Variants in LRRC8B observed in about 807,000 individuals in gnomAD.
LRRC8B encodes volume-regulated anion channel subunit LRRC8B.
A neutral mutation model predicts 58.8 loss-of-function variants in LRRC8B; 23 were observed. The observed-to-expected ratio is 0.39, with a 90% CI of 0.28 to 0.55. LRRC8B has a LOEUF of 0.55. LRRC8B is among the 20% of genes least tolerant of loss of function. LRRC8B has a pLI of 0.62. For missense variants in LRRC8B, 694 were observed against 936.0 expected, an observed-to-expected ratio of 0.74 and a Z score of 3.37; for synonymous variants, 359 against 374.1, an observed-to-expected ratio of 0.96 and a Z score of 0.47.
At chr1:89,537,156 A>G (rs1204896425) in intron 1 of LRRC8B, among the ~76,000 whole-genome samples, 1 of 152,222 alleles carries the variant, frequency 6.6e-6, no homozygotes, top group African/African-American at 2.4e-5. Context: ...AAGTAACACC[A>G]GGTCTGGTAG....
chr1:89,543,589 G>A (rs75001971), intron 1 of LRRC8B, among the ~76,000 whole-genome samples: 6,772 of 151,824 alleles, frequency 0.045, 165 homozygotes, highest in Middle Eastern at 0.065. Flanking sequence ...TCTGCCTCCC[G>A]GGTTCAAGTG....
At chr1:89,575,260 A>C (rs753645253) in intron 3 of LRRC8B, among the ~76,000 whole-genome samples, 1 of 152,164 alleles carries the variant, frequency 6.6e-6, no homozygotes, top group Non-Finnish European at 1.5e-5. Context: ...TGGCCAGTAG[A>C]TTTTGGTGGA....
chr1:89,583,034 C>G lies in LRRC8B; in HGVS notation c.384C>G (p.His128Gln), dbSNP rs1391472691. The G allele has an allele frequency of 1.9e-6, 3 of 1,614,108 alleles. No homozygotes were observed. The highest frequency in any genetic ancestry group is 2.5e-6 in the Non-Finnish European group (3 of 1,180,052). Residue 128 changes from histidine (H) to glutamine (Q), a missense_variant, in exon 5 of 6, where the codon CAC becomes CAG. His to Gln is a conservative substitution (Grantham distance 24). Transcript: ENST00000330947. The surrounding 1 kb of genome is among the most constrained non-coding windows in gnomAD (Gnocchi z 5.2). ...AKFFPYLVLL[H>Q]TLIFAACSNF... ...TTTTCCCCTATCTGGTGCTCTTGCA[C>G]ACGCTCATCTTTGCAGCCTGCAGCA...
At chr1:89,560,848 C>A (rs375084226) in intron 1 of LRRC8B, among the ~76,000 whole-genome samples, 2 of 151,990 alleles carry the variant, frequency 1.3e-5, no homozygotes, top group Non-Finnish European at 2.9e-5. Flanking sequence ...AATAAACATA[C>A]GTGTGCATGT....
At chr1:89,570,322 A>AT (rs1653367669) in intron 3 of LRRC8B, among the ~76,000 whole-genome samples, 1 of 152,122 alleles carries the variant, frequency 6.6e-6, no homozygotes, top group Admixed American at 6.5e-5. Context: ...GGTTGAACTA[A>AT]TTTACACTCT....
chr1:89,541,995 A>G (rs1651034117), intron 1 of LRRC8B, among the ~76,000 whole-genome samples: 1 of 152,158 alleles, frequency 6.6e-6, no homozygotes, highest in South Asian at 2.1e-4. Flanking sequence ...TAATTCACAG[A>G]TTAAAATTTT....
chr1:89,585,669 C>T (rs1348787572), intron 5 of LRRC8B, among the ~76,000 whole-genome samples: 8 of 151,960 alleles, frequency 5.3e-5, no homozygotes, highest in African/African-American at 1.9e-4. Context: ...ATTAGCTGCG[C>T]GTGGTGGCAC....
chr1:89,528,325 T>C (rs1206938424), intron 1 of LRRC8B, among the ~76,000 whole-genome samples: 1 of 152,220 alleles, frequency 6.6e-6, no homozygotes, highest in Non-Finnish European at 1.5e-5. Context: ...CATTCTTTAT[T>C]GTTGAGTAGC....
At chr1:89,549,945 A>G (rs1357058218) in intron 1 of LRRC8B, 2 of 152,114 alleles carry the variant, frequency 1.3e-5, no homozygotes, top group Non-Finnish European at 2.9e-5. Context: ...GCTGCCTACT[A>G]GACCTCACTA....
rs779873620 is a variant in LRRC8B at position 89,583,536 on chromosome 1, T to G, written c.886T>G (p.Phe296Val). 2 of 1,612,724 alleles carry G rather than the reference T, an allele frequency of 1.2e-6. No homozygotes were observed. Among genetic ancestry groups the G allele is most frequent in the Non-Finnish European group, 1.7e-6 (2 of 1,180,024 alleles). The change falls in exon 5 of 6, where the codon TTT (phenylalanine) becomes GTT (valine). Residue 296 changes from phenylalanine to valine, a missense_variant. Phe to Val is a conservative substitution (Grantham distance 50, BLOSUM62 -1). Around this residue, in one of 5 missense-constraint regions of LRRC8B, gnomAD observed 316 missense variants for 403.8 expected, o/e 0.78. Transcript: ENST00000330947. The surrounding 1 kb of genome is among the most constrained non-coding windows in gnomAD (Gnocchi z 5.2). ...CGACTGTTCAGTTGATGTGCAGGCT[T>G]TTACAGGATATAAGCGCTACCAGTG... ...EIDCSVDVQA[F>V]TGYKRYQCVY...
In LRRC8B at chr1:89,583,110, G is replaced by A. The variant is rs770822588; in HGVS notation, c.460G>A (p.Ala154Thr). Residue 154 changes from alanine (A) to threonine (T), a missense_variant, in exon 5 of 6, where the codon GCC (alanine) becomes ACC (threonine). Around this residue, in one of 5 missense-constraint regions of LRRC8B, gnomAD observed 316 missense variants for 403.8 expected, o/e 0.78. Transcript: ENST00000330947. This position sits in a 1 kb window ranked among gnomAD's most constrained non-coding sequence, Gnocchi z 5.2. ...STSSRLEHFV[A>T]ILHKCFDSPW... The stretch of plus-strand genomic sequence containing the variant: ...CAGTTCCAGGCTCGAGCATTTTGTG[G>A]CCATCCTTCACAAGTGCTTCGATTC... The A allele has an allele frequency of 3.1e-6, 5 of 1,614,054 alleles. No homozygotes were observed. The highest frequency in any genetic ancestry group is 3.3e-5 in the Admixed American group (2 of 60,026).
intron 1 of LRRC8B, among the ~76,000 whole-genome samples, chr1:89,566,157 A>G (rs932749428): frequency 2.6e-5 from 4 of 152,224 alleles, no homozygotes; most frequent in African/African-American, 9.6e-5. Flanking sequence ...ATGCCAATAA[A>G]TGAGATACTG....
chr1:89,583,359 A>G lies in LRRC8B; in HGVS notation c.709A>G (p.Ile237Val), dbSNP rs1305754654. The G allele has an allele frequency of 6.8e-6, 11 of 1,614,116 alleles. No homozygotes were observed. The highest frequency in any genetic ancestry group is 9.3e-6 in the Non-Finnish European group (11 of 1,180,054). Residue 237 changes from isoleucine (I) to valine (V), a missense_variant, in exon 5 of 6, where the codon ATC becomes GTC. Transcript: ENST00000330947. This position sits in a 1 kb window ranked among gnomAD's most constrained non-coding sequence, Gnocchi z 5.2. The part of the protein sequence containing the change: ...DKKEGEQAKA[I>V]FEKVKRFRMH... ...GAAGGAGGGTGAACAGGCCAAAGCCATCTTTGAAAAAGTGAAAAGATTCCG... is the reference window on the plus strand; with the variant it reads ...GAAGGAGGGTGAACAGGCCAAAGCCGTCTTTGAAAAAGTGAAAAGATTCCG...
At chr1:89,569,839 T>C (rs763427714) in intron 3 of LRRC8B, among the ~76,000 whole-genome samples, 1 of 152,148 alleles carries the variant, frequency 6.6e-6, no homozygotes, top group Non-Finnish European at 1.5e-5. Context: ...ATTAGTTATT[T>C]TCCCTGGTCC....
chr1:89,566,809 T>C (rs1028454506), intron 1 of LRRC8B, among the ~76,000 whole-genome samples: 2 of 152,218 alleles, frequency 1.3e-5, no homozygotes, highest in African/African-American at 4.8e-5. Context: ...GTGTTGTTCC[T>C]TAATCCTCAG....
At chr1:89,542,768 A>G (rs1253009131) in intron 1 of LRRC8B, among the ~76,000 whole-genome samples, 1 of 152,226 alleles carries the variant, frequency 6.6e-6, no homozygotes, top group Non-Finnish European at 1.5e-5. Context: ...AATACTTAAC[A>G]TAAAGTTATC....
intron 1 of LRRC8B, among the ~76,000 whole-genome samples, chr1:89,543,977 G>C (rs970386150): frequency 6.6e-6 from 1 of 151,816 alleles, no homozygotes; most frequent in African/African-American, 2.4e-5. Flanking sequence ...TTAATTATTT[G>C]TAGAGATGAA....
intron 1 of LRRC8B, among the ~76,000 whole-genome samples, chr1:89,555,445 G>A (rs1570591878): frequency 6.6e-6 from 1 of 152,180 alleles, no homozygotes; most frequent in African/African-American, 2.4e-5. Flanking sequence ...TTCCAAACAA[G>A]GAGGTCTAAT....
chr1:89,590,762 G>A (rs1471978231), intron 5 of LRRC8B, among the ~76,000 whole-genome samples: 4 of 152,202 alleles, frequency 2.6e-5, no homozygotes, highest in Admixed American at 2.0e-4. Flanking sequence ...AGGGAAATAC[G>A]GAATGCCTAA....
Sources: gnomAD v4.1 joint callset for allele counts (sites outside exome capture counted in the v4.1 genomes callset) on GRCh38, gnomAD v4.1.1 for gene constraint, gnomAD v4.1.1 regional missense constraint, Gnocchi (gnomAD v3.1) non-coding constraint, MANE v1.5 for transcripts, NCBI Gene and HGNC (gene_info 2026-07-23, HGNC 2026-07-21) for gene names.